Variants in RASGEF1A observed in about 807,000 individuals in gnomAD.
RASGEF1A encodes the protein RasGEF domain family member 1A, also known as ras-GEF domain-containing family member 1A.
Under a neutral mutation model 56.4 loss-of-function variants are expected in RASGEF1A, and 18 were observed. The observed-to-expected ratio is 0.32, with a 90% confidence interval of 0.22 to 0.47. RASGEF1A has a LOEUF of 0.47. RASGEF1A is among the 20% of genes least tolerant of loss of function. The probability of loss-of-function intolerance (pLI) is 1.00; values close to 1 mark genes in which losing one functional copy is unlikely to be tolerated. For synonymous variants in RASGEF1A, 245 were observed against 242.6 expected (o/e 1.01, Z -0.09); for missense variants, 422 against 627.1 (o/e 0.67, Z 3.49).
chr10:43,238,075 T>C (rs1322914912), intron 1 of RASGEF1A, among the ~76,000 whole-genome samples: 1 of 123,840 alleles, frequency 8.1e-6, no homozygotes, highest in Non-Finnish European at 1.7e-5. Context: ...CCATCATAGA[T>C]TGAGACCCGC....
At chr10:43,231,197 A>G (rs1840362474) in intron 1 of RASGEF1A, among the ~76,000 whole-genome samples, 1 of 152,248 alleles carries the variant, frequency 6.6e-6, no homozygotes, top group Non-Finnish European at 1.5e-5. Flanking sequence ...TGCGAAGCTC[A>G]TGGTGACCTT....
At chr10:43,242,184 C>T (rs150363802) in intron 1 of RASGEF1A, among the ~76,000 whole-genome samples, 4 of 151,876 alleles carry the variant, frequency 2.6e-5, no homozygotes, top group Non-Finnish European at 4.4e-5. Flanking sequence ...AAAGACATTC[C>T]AAGCAAAAAG....
At chr10:43,211,262 CA>C (rs1840065329) in intron 1 of RASGEF1A, among the ~76,000 whole-genome samples, 1 of 152,192 alleles carries the variant, frequency 6.6e-6, no homozygotes, top group Non-Finnish European at 1.5e-5. Flanking sequence ...TGGAAGAGAG[CA>C]GATTTCCATA....
intron 4 of RASGEF1A, 39 bp from the exon 5 acceptor site, chr10:43,200,927 G>T: frequency 6.4e-7 from 1 of 1,572,750 alleles, no homozygotes; most frequent in South Asian, 1.1e-5. Flanking sequence ...AGCATGGGCT[G>T]GCAGCAAGGC....
At chr10:43,209,561 A>AC (rs1437287730) in intron 1 of RASGEF1A, among the ~76,000 whole-genome samples, 1 of 152,030 alleles carries the variant, frequency 6.6e-6, no homozygotes, top group East Asian at 1.9e-4. Flanking sequence ...GTGCCTCCTC[A>AC]CCCCCAGGAG....
chr10:43,247,673 C>T (rs762953655), intron 1 of RASGEF1A, among the ~76,000 whole-genome samples: 3 of 152,158 alleles, frequency 2.0e-5, no homozygotes, highest in Non-Finnish European at 4.4e-5. Flanking sequence ...TCCACTTATT[C>T]AAATATCCAG....
intron 1 of RASGEF1A, among the ~76,000 whole-genome samples, chr10:43,221,719 G>T (rs915694424): frequency 6.6e-6 from 1 of 152,248 alleles, no homozygotes; most frequent in Non-Finnish European, 1.5e-5. Flanking sequence ...CAAGGGGCCC[G>T]TGCTGCATTC....
At chr10:43,262,306 CTCTT>C (rs910950113) in intron 1 of RASGEF1A, among the ~76,000 whole-genome samples, 7 of 152,222 alleles carry the variant, frequency 4.6e-5, no homozygotes, top group Admixed American at 2.6e-4. Flanking sequence ...GGAGAACTCT[CTCTT>C]CAAGGTAGAG....
intron 5 of RASGEF1A, 61 bp downstream of exon 5, chr10:43,200,606 T>G: frequency 6.8e-7 from 1 of 1,469,050 alleles, no homozygotes; most frequent in Non-Finnish European, 9.4e-7. Context: ...AGTGCTGTGC[T>G]GAAAGAGGCA....
Position 43,258,744 on chromosome 10 carries a change from C to T in RASGEF1A, c.-7+8101G>A, listed in dbSNP as rs952874184. ...TCTTTGTGCCACCCACACCCACCATCCACCCACTCAGCACAGCCTCTTCAT... is the reference window on the plus strand; with the variant it reads ...TCTTTGTGCCACCCACACCCACCATTCACCCACTCAGCACAGCCTCTTCAT... On this transcript the variant is annotated intron_variant, in intron 1 of 12. Transcript: ENST00000395810. 2.0e-5 allele frequency among the ~76,000 whole-genome samples: 3 copies of T among 152,248 alleles called. No individual in the cohort carries two copies. The South Asian group carries it at 6.2e-4, about 31-fold the overall frequency.
chr10:43,237,460 C>T (rs1034977127), intron 1 of RASGEF1A, among the ~76,000 whole-genome samples: 2 of 149,840 alleles, frequency 1.3e-5, no homozygotes, highest in Non-Finnish European at 1.5e-5. Context: ...CCCCTCCCCC[C>T]CACCTCCATT....
chr10:43,260,274 G>A (rs1486637493), intron 1 of RASGEF1A, among the ~76,000 whole-genome samples: 7 of 150,740 alleles, frequency 4.6e-5, no homozygotes, highest in South Asian at 2.1e-4. Context: ...AGGGTGGACC[G>A]AGGGCACCAG....
At chr10:43,230,877 A>G (rs1564537791) in intron 1 of RASGEF1A, among the ~76,000 whole-genome samples, 1 of 152,194 alleles carries the variant, frequency 6.6e-6, no homozygotes. Flanking sequence ...GTCTTGGGAA[A>G]GTAGGGGCTG....
At chr10:43,258,868 A>G (rs1392408794) in intron 1 of RASGEF1A, among the ~76,000 whole-genome samples, 1 of 152,172 alleles carries the variant, frequency 6.6e-6, no homozygotes, top group African/African-American at 2.4e-5. Context: ...CCTGACCACC[A>G]GGCCCGGGAA....
In RASGEF1A at chr10:43,218,908, G is replaced by C. The variant is rs187683320; in HGVS notation, c.-6-12786C>G. Among the ~76,000 whole-genome samples the C allele has an allele frequency of 3.8e-3, 581 of 152,362 alleles. 1 individual carries two copies. The highest frequency in any genetic ancestry group is 5.7e-3 in the Non-Finnish European group (390 of 68,034). On this transcript the variant is annotated intron_variant, in intron 1 of 12. Transcript: ENST00000395810. ...TCTATTACCCAATACAATTTGAATT[G>C]ACTGAAGGAATCTGGTCGTCTCCTC...
intron 1 of RASGEF1A, among the ~76,000 whole-genome samples, chr10:43,260,384 A>G (rs1836504810): frequency 6.6e-6 from 1 of 152,156 alleles, no homozygotes; most frequent in Non-Finnish European, 1.5e-5. Context: ...TTCCCCTGAC[A>G]GCGTCCCCGG....
Position 43,200,328 on chromosome 10 carries a change from G to C in RASGEF1A, c.682-72C>G, listed in dbSNP as rs571838913. 2.2e-6 allele frequency: 3 copies of C among 1,361,576 alleles called. No homozygotes were observed. The African/African-American group carries it at 4.3e-5, about 20-fold the overall frequency. The allele number at this position is 1,361,576 out of a possible 1,614,324, so 84.3% of individuals were successfully genotyped here. The stretch of plus-strand genomic sequence containing the variant: ...AAGGGACAGCACTGCATAGGCATGC[G>C]GACAGGGAGAGGAGGAGCTGCCCAG... On this transcript the variant is annotated intron_variant, in intron 5 of 12. Coordinates refer to ENST00000395810, the MANE Select transcript of RASGEF1A (RefSeq NM_145313.4).
At position 43,198,893 on chromosome 10, in the gene RASGEF1A, T is replaced by C. The variant is rs373519358; in HGVS notation, c.1032+40A>G. 3.8e-6 allele frequency: 6 copies of C among 1,573,934 alleles called. No homozygotes were observed. The African/African-American group carries it at 6.9e-5, about 18-fold the overall frequency. ...CCCTTCGGGCCATTGCGGGACGAAA[T>C]GGGTGCAGCTCGCAGCTGTGACGGG... On this transcript the variant is annotated intron_variant, in intron 9 of 12. Transcript: ENST00000395810.
At chr10:43,237,825 C>G (rs975114304) in intron 1 of RASGEF1A, among the ~76,000 whole-genome samples, 1 of 152,196 alleles carries the variant, frequency 6.6e-6, no homozygotes, top group Non-Finnish European at 1.5e-5. Context: ...AGCACATAGA[C>G]CACAGAGCTT....
Sources: allele counts gnomAD v4.1 joint callset (sites outside exome capture counted in the v4.1 genomes callset), GRCh38; gene constraint gnomAD v4.1.1; transcripts MANE v1.5; gene names NCBI Gene and HGNC (gene_info 2026-07-23, HGNC 2026-07-21).